Variants in RAB38 observed in about 807,000 individuals in gnomAD.
The protein encoded by RAB38 is ras-related protein Rab-38.
Under a neutral mutation model 18.4 loss-of-function variants are expected in RAB38, and 15 were observed. The ratio of observed to expected loss-of-function variants is 0.82; its 90% CI spans 0.55 to 1.26. The LOEUF is 1.26. Ranked by LOEUF, RAB38 falls within the 50% of genes most tolerant of loss-of-function variation. The pLI is 0.00. For missense variants in RAB38, 294 were observed against 267.4 expected, an observed-to-expected ratio of 1.10 and a Z score of -0.69; for synonymous variants, 101 against 104.4, an observed-to-expected ratio of 0.97 and a Z score of 0.20.
At chr11:87,870,724 A>G in the RAB38 span, among the ~76,000 whole-genome samples, 1 of 151,692 alleles carries the variant, frequency 6.6e-6, no homozygotes, top group African/African-American at 2.4e-5. Flanking sequence ...TGCCCAAGCG[A>G]ATTTTTAATA....
chr11:87,962,372 A>T, the RAB38 span, among the ~76,000 whole-genome samples: 11 of 152,168 alleles, frequency 7.2e-5, no homozygotes, highest in African/African-American at 2.2e-4. Context: ...TACGCTAAGT[A>T]AAATTAGCCA....
chr11:87,814,726 T>TTCTTTG, the RAB38 span, among the ~76,000 whole-genome samples: 5 of 150,806 alleles, frequency 3.3e-5, no homozygotes, highest in Non-Finnish European at 1.5e-5. Flanking sequence ...GTAGCTTATT[T>TTCTTTG]TCTTTTTCTT....
chr11:87,811,831 G>C, the RAB38 span, among the ~76,000 whole-genome samples: 1 of 152,114 alleles, frequency 6.6e-6, no homozygotes, highest in Admixed American at 6.6e-5. Context: ...TTATAAAAAT[G>C]TAAGAAATTT....
At chr11:87,932,487 A>T in the RAB38 span, among the ~76,000 whole-genome samples, 1 of 152,030 alleles carries the variant, frequency 6.6e-6, no homozygotes, top group African/African-American at 2.4e-5. Flanking sequence ...CTATAAGCAT[A>T]ACCAAGCTGT....
intron 2 of RAB38, among the ~76,000 whole-genome samples, chr11:88,138,924 A>C (rs1942870205): frequency 6.6e-6 from 1 of 152,032 alleles, no homozygotes; most frequent in Non-Finnish European, 1.5e-5. Flanking sequence ...CTGGGACTAC[A>C]GGCGCCCGCC....
chr11:88,165,000 A>T (rs1943230417), intron 1 of RAB38, among the ~76,000 whole-genome samples: 1 of 152,124 alleles, frequency 6.6e-6, no homozygotes, highest in South Asian at 2.1e-4. Context: ...GTATATGAAG[A>T]TGACTGTTAA....
the RAB38 span, among the ~76,000 whole-genome samples, chr11:87,955,384 A>G: frequency 9.8e-5 from 15 of 152,332 alleles, no homozygotes; most frequent in Admixed American, 4.6e-4. Context: ...AGGGGTAAGC[A>G]TTGAAAAACT....
the RAB38 span, among the ~76,000 whole-genome samples, chr11:87,806,859 C>T: frequency 1.3e-5 from 2 of 152,124 alleles, no homozygotes; most frequent in Non-Finnish European, 2.9e-5. Context: ...TGAAATCTTA[C>T]AAGGCATTTA....
chr11:88,077,913 TA>T, the RAB38 span, among the ~76,000 whole-genome samples: 1 of 152,046 alleles, frequency 6.6e-6, no homozygotes, highest in African/African-American at 2.4e-5. Flanking sequence ...GCCAAGGAGT[TA>T]ATAACCAGAA....
intron 2 of RAB38, among the ~76,000 whole-genome samples, chr11:88,144,840 C>T (rs1942961567): frequency 2.0e-5 from 3 of 152,004 alleles, no homozygotes; most frequent in South Asian, 2.1e-4. Context: ...GACTTTTGTC[C>T]CCACTATTGC....
chr11:87,892,835 A>G, the RAB38 span, among the ~76,000 whole-genome samples: 2 of 151,774 alleles, frequency 1.3e-5, no homozygotes, highest in African/African-American at 4.8e-5. Context: ...GATCAGTATT[A>G]TACAGCTTAC....
the RAB38 span, among the ~76,000 whole-genome samples, chr11:87,851,023 C>A: frequency 6.6e-6 from 1 of 152,196 alleles, no homozygotes; most frequent in African/African-American, 2.4e-5. Flanking sequence ...TAGCTTCAAG[C>A]CTGGGGGCGG....
At chr11:88,026,619 C>T in the RAB38 span, among the ~76,000 whole-genome samples, 1 of 149,936 alleles carries the variant, frequency 6.7e-6, no homozygotes, top group Non-Finnish European at 1.5e-5. Context: ...ACCTCATGAT[C>T]CGCCCGCCTC....
chr11:87,928,326 C>G, the RAB38 span, among the ~76,000 whole-genome samples: 2 of 151,624 alleles, frequency 1.3e-5, no homozygotes, highest in Admixed American at 1.3e-4. Flanking sequence ...AAATGAAAAC[C>G]CTGGGGAGAG....
chr11:88,119,723 C>G (rs35578475), intron 2 of RAB38, among the ~76,000 whole-genome samples: 2,013 of 151,702 alleles, frequency 0.013, 47 homozygotes, highest in African/African-American at 0.046. Context: ...TAGTTAGAAG[C>G]TGGCAAAGAA....
the RAB38 span, among the ~76,000 whole-genome samples, chr11:88,026,459 A>G: frequency 1.4e-5 from 2 of 144,980 alleles, no homozygotes; most frequent in Non-Finnish European, 3.0e-5. Context: ...CCTACTCAGG[A>G]GGCTGAGGCA....
the RAB38 span, among the ~76,000 whole-genome samples, chr11:87,922,018 T>C: frequency 6.6e-6 from 1 of 152,008 alleles, no homozygotes; most frequent in South Asian, 2.1e-4. Context: ...CAAAAGCACC[T>C]GTACCCTTTG....
the RAB38 span, among the ~76,000 whole-genome samples, chr11:87,891,629 C>A: frequency 6.6e-6 from 1 of 151,762 alleles, no homozygotes; most frequent in African/African-American, 2.4e-5. Flanking sequence ...TTTCTGGCTA[C>A]AAAATTCTTC....
At chr11:88,037,973 A>G in the RAB38 span, among the ~76,000 whole-genome samples, 1 of 152,202 alleles carries the variant, frequency 6.6e-6, no homozygotes, top group South Asian at 2.1e-4. Flanking sequence ...GTGAGAGTAT[A>G]AATTGTCTTA....
Sources: gnomAD v4.1 joint callset for allele counts (sites outside exome capture counted in the v4.1 genomes callset) on GRCh38, gnomAD v4.1.1 for gene constraint, MANE v1.5 for transcripts, NCBI Gene and HGNC (gene_info 2026-07-23, HGNC 2026-07-21) for gene names.